Variants in ZC2HC1C observed in about 807,000 individuals in gnomAD.
The protein encoded by ZC2HC1C is zinc finger C2HC domain-containing protein 1C.
Under a neutral mutation model 39.2 loss-of-function variants are expected in ZC2HC1C, and 25 were observed. The observed-to-expected ratio is 0.64, with a 90% confidence interval of 0.47 to 0.89. ZC2HC1C has a LOEUF of 0.89. ZC2HC1C is among the 40% of genes least tolerant of loss of function. The pLI, the probability that ZC2HC1C is intolerant of heterozygous loss-of-function variation, is 0.00. For missense variants in ZC2HC1C, 519 were observed against 548.6 expected (o/e 0.95, Z 0.54); for synonymous variants, 209 against 214.4 (o/e 0.97, Z 0.22).
At position 75,071,474 on chromosome 14, in the gene ZC2HC1C, A is replaced by G. The variant is rs1243590672; in HGVS notation, c.901A>G (p.Arg301Gly). 1 of 1,614,196 alleles carries G rather than the reference A, an allele frequency of 6.2e-7. No homozygotes were observed. The highest frequency in any genetic ancestry group is 1.1e-5 in the South Asian group (1 of 91,074). The part of the protein sequence containing the change: ...EFEEEFSRDR[R>G]EDETWGRSQQ... ...TGAGGAAGAATTTAGTAGAGACAGGAGAGAGGATGAAACTTGGGGACGGTC... is the reference window on the plus strand; with the variant it reads ...TGAGGAAGAATTTAGTAGAGACAGGGGAGAGGATGAAACTTGGGGACGGTC... The change falls in exon 2 of 3, where the codon AGA becomes GGA. Residue 301 changes from arginine to glycine, a missense_variant. By Grantham distance (125) the Arg-to-Gly change is moderately radical. Coordinates refer to ENST00000524913, the MANE Select transcript of ZC2HC1C (RefSeq NM_024643.4).
At chr14:75,073,991 G>C (rs1407368088) in intron 2 of ZC2HC1C, among the ~76,000 whole-genome samples, 1 of 152,012 alleles carries the variant, frequency 6.6e-6, no homozygotes, top group Non-Finnish European at 1.5e-5. Context: ...GCTCACTGCA[G>C]CCTCCACCTA....
At position 75,071,511 on chromosome 14, in the gene ZC2HC1C, C is replaced by A; in HGVS notation, c.938C>A (p.Ser313Ter). 6.2e-7 allele frequency: 1 copy of A among 1,614,080 alleles called. No individual in the cohort carries two copies. Among genetic ancestry groups the A allele is most frequent in the Non-Finnish European group, 8.5e-7 (1 of 1,180,016 alleles). ...ACTTGGGGACGGTCTCAACAAAATTCAGGTCCATTCCAGTTCTCTGATTAT... is the reference window on the plus strand; with the variant it reads ...ACTTGGGGACGGTCTCAACAAAATTAAGGTCCATTCCAGTTCTCTGATTAT... ...DETWGRSQQN[S>*]GPFQFSDYRI... is the part of the protein sequence containing the mutation. The change falls in exon 2 of 3, where the codon TCA (serine) becomes TAA (stop). Residue 313 changes from serine (S) to a stop codon, truncating the protein, a stop_gained. Coordinates refer to ENST00000524913, the MANE Select transcript of ZC2HC1C (RefSeq NM_024643.4). LOFTEE classifies it high-confidence loss of function.
rs186624142 is a variant in ZC2HC1C, at chr14:75,076,656, T to C, written c.1339-876T>C. ...CTCTGGTTGTCTTTTTTTCACAGTA[T>C]ACTCTTCTTGTTTTATGGACACAAT... On this transcript the variant is annotated intron_variant, in intron 2 of 2. Coordinates refer to ENST00000524913, the MANE Select transcript of ZC2HC1C (RefSeq NM_024643.4). 6.6e-5 allele frequency among the ~76,000 whole-genome samples: 10 copies of C among 152,352 alleles called. 1 individual carries two copies. In the East Asian group the frequency reaches 1.9e-3, roughly 29 times the overall value.
chr14:75,072,609 G>A lies in ZC2HC1C; in HGVS notation c.1338+698G>A, dbSNP rs142889900. Among the ~76,000 whole-genome samples the A allele has an allele frequency of 3.5e-4, 54 of 152,244 alleles. 4 individuals are homozygous for A. In the East Asian group the frequency reaches 0.01, roughly 29 times the overall value. On this transcript the variant is annotated intron_variant, in intron 2 of 2. Coordinates refer to ENST00000524913, the MANE Select transcript of ZC2HC1C (RefSeq NM_024643.4). Reference sequence around the variant, plus strand: ...CCAGGTTGGAAAAAGTAAGGGTTTCGTGACACTTACATGATAAATTTAGGT... The same window carrying A: ...CCAGGTTGGAAAAAGTAAGGGTTTCATGACACTTACATGATAAATTTAGGT...
intron 2 of ZC2HC1C, among the ~76,000 whole-genome samples, chr14:75,076,727 AG>A (rs1166048898): frequency 6.6e-6 from 1 of 151,062 alleles, no homozygotes; most frequent in Non-Finnish European, 1.5e-5. Context: ...GTTAAAAAAA[AG>A]TTTTCTTCTG....
In ZC2HC1C at chr14:75,071,568, T is replaced by A. The variant is rs1893416674; in HGVS notation, c.995T>A (p.Val332Glu). The A allele has an allele frequency of 6.2e-7, 1 of 1,614,142 alleles. No homozygotes were observed. Among genetic ancestry groups the A allele is most frequent in the Non-Finnish European group, 8.5e-7 (1 of 1,180,038 alleles). ...RIQRLKRERL[V>E]ASNNKIRDPV... ...CAGAGGCTCAAAAGGGAAAGGCTGG[T>A]AGCAAGCAATAATAAAATTCGAGAC... The change falls in exon 2 of 3, where the codon GTA becomes GAA. Residue 332 changes from valine (V) to glutamate (E), a missense_variant. Physicochemically the swap from Val to Glu is moderately radical, Grantham distance 121. Coordinates refer to ENST00000524913, the MANE Select transcript of ZC2HC1C (RefSeq NM_024643.4).
In ZC2HC1C at chr14:75,077,614, A is replaced by G. The variant is rs1893743120; in HGVS notation, c.*50A>G. On this transcript the variant is annotated 3_prime_UTR_variant, in exon 3 of 3. Transcript: ENST00000524913. ...TTCCGCCAGGCTCGAGAGGTCCAGC[A>G]GGTAACTGCCAAAGGTGGAAACTGT... 2 of 1,611,410 alleles carry G rather than the reference A, an allele frequency of 1.2e-6. No homozygotes were observed. The highest frequency in any genetic ancestry group is 1.7e-4 in the Middle Eastern group (1 of 5,824).
intron 2 of ZC2HC1C, among the ~76,000 whole-genome samples, chr14:75,073,055 T>C (rs1379862311): frequency 6.6e-6 from 1 of 152,236 alleles, no homozygotes; most frequent in Non-Finnish European, 1.5e-5. Flanking sequence ...GCACCTCTTG[T>C]CCATTGGCAC....
chr14:75,072,782 G>C (rs1354388545), intron 2 of ZC2HC1C, among the ~76,000 whole-genome samples: 1 of 152,156 alleles, frequency 6.6e-6, no homozygotes, highest in Non-Finnish European at 1.5e-5. Flanking sequence ...TTAGTGTTTA[G>C]TGTTGTATTA....
Position 75,071,699 on chromosome 14 carries a change from T to C in ZC2HC1C, c.1126T>C (p.Ser376Pro). ...TTCCAGCCTGTCCATGGCACCAGAC[T>C]CCTCAGGTTCCAGCGGCTCCATTGA... ...RNSSLSMAPDSSGSSGSIEEP... is the reference protein window; with the variant it reads ...RNSSLSMAPDPSGSSGSIEEP... The change falls in exon 2 of 3, where the codon TCC becomes CCC. Residue 376 changes from serine (S) to proline (P), a missense_variant. Coordinates refer to ENST00000524913, the MANE Select transcript of ZC2HC1C (RefSeq NM_024643.4). The C allele has an allele frequency of 6.2e-7, 1 of 1,614,156 alleles. No homozygotes were observed. The highest frequency in any genetic ancestry group is 8.5e-7 in the Non-Finnish European group (1 of 1,180,016).
rs536282928 is a variant in ZC2HC1C at position 75,077,562 on chromosome 14, T to C, written c.1369T>C (p.Ter457GlnextTer77). 2.5e-6 allele frequency: 4 copies of C among 1,614,206 alleles called. No homozygotes were observed. The highest frequency in any genetic ancestry group is 3.4e-6 in the Non-Finnish European group (4 of 1,180,036). Residue 457 changes from the stop codon to glutamine (Q), a stop_lost, in exon 3 of 3, where the codon TAG becomes CAG. Transcript: ENST00000524913. ...ACCTCCTCAGAAGAGCAACTGGAGA[T>C]AGAAGCATGAATCTTTTATCCATAC... ...AEPPQKSNWR[*>Q]
chr14:75,070,405 T>G, intron 1 of ZC2HC1C, 150 bp from the exon 2 acceptor site: 1 of 959,324 alleles, frequency 1.0e-6, no homozygotes, highest in Non-Finnish European at 1.5e-6. Context: ...AAATGGTTTT[T>G]GAAGGGAAGC....
Position 75,071,752 on chromosome 14 carries a change from C to CT in ZC2HC1C, c.1180dup (p.Cys394LeufsTer29). On this transcript the variant is annotated frameshift_variant, in exon 2 of 3. Transcript: ENST00000524913. LOFTEE classifies it high-confidence loss of function. The stretch of plus-strand genomic sequence containing the variant: ...AGCCACAGCTGGGTGAGTGCAGCCA[C>CT]TGTGGGCGCAAATTCCTCTCGTTCA... The CT allele has an allele frequency of 6.2e-7, 1 of 1,614,194 alleles. No homozygotes were observed. The highest frequency in any genetic ancestry group is 1.1e-5 in the South Asian group (1 of 91,082).
rs765395919 is a variant in ZC2HC1C at position 75,071,823 on chromosome 14, A to G, written c.1250A>G (p.Lys417Arg). The change falls in exon 2 of 3, where the codon AAG becomes AGG. Residue 417 changes from lysine to arginine, a missense_variant. Physicochemically the swap from Lys to Arg is conservative, Grantham distance 26. Coordinates refer to ENST00000524913, the MANE Select transcript of ZC2HC1C (RefSeq NM_024643.4). ...SNICSRMRGSKRKVFDSSRAR... is the reference protein window; with the variant it reads ...SNICSRMRGSRRKVFDSSRAR... ...ATCTGCAGCAGGATGCGGGGTTCCA[A>G]GAGGAAAGTGTTTGACTCCTCCAGG... 29 of 1,614,032 alleles carry G rather than the reference A, an allele frequency of 1.8e-5. No homozygotes were observed. Among genetic ancestry groups the G allele is most frequent in the Non-Finnish European group, 2.5e-5 (29 of 1,180,022 alleles).
chr14:75,071,304 A>T lies in ZC2HC1C; in HGVS notation c.731A>T (p.Glu244Val). ...GGAAAGCTGAAGAAGACAGAGGAGG[A>T]ACTCAGAAGGATCCAGACGCAAAAG... is the stretch of plus-strand genomic sequence containing the variant. ...LRGKLKKTEE[E>V]LRRIQTQKEQ... Residue 244 changes from glutamate (E) to valine (V), a missense_variant, in exon 2 of 3, where the codon GAA becomes GTA. Glu to Val is a moderately radical substitution (Grantham distance 121). Coordinates refer to ENST00000524913, the MANE Select transcript of ZC2HC1C (RefSeq NM_024643.4). The T allele has an allele frequency of 6.2e-7, 1 of 1,614,174 alleles. No homozygotes were observed. Among genetic ancestry groups the T allele is most frequent in the Non-Finnish European group, 8.5e-7 (1 of 1,180,018 alleles).
Position 75,070,706 on chromosome 14 carries a change from T to C in ZC2HC1C, c.133T>C (p.Leu45=). 1.2e-6 allele frequency: 2 copies of C among 1,614,164 alleles called. No individual in the cohort carries two copies. Among genetic ancestry groups the C allele is most frequent in the Non-Finnish European group, 1.7e-6 (2 of 1,180,020 alleles). The change falls in exon 2 of 3, where the codon TTG becomes CTG. Residue 45 remains leucine, a synonymous_variant. Coordinates refer to ENST00000524913, the MANE Select transcript of ZC2HC1C (RefSeq NM_024643.4). ...YEQGDSSQQS[L]KGHLRNNFQK... is the part of the protein sequence containing the mutation. Reference sequence around the variant, plus strand: ...ACAAGGTGACTCTTCCCAGCAGTCCTTGAAGGGGCACCTGAGGAACAATTT... The same window carrying C: ...ACAAGGTGACTCTTCCCAGCAGTCCCTGAAGGGGCACCTGAGGAACAATTT...
chr14:75,071,160 C>T lies in ZC2HC1C; in HGVS notation c.587C>T (p.Thr196Met), dbSNP rs201860356. The T allele has an allele frequency of 2.0e-5, 33 of 1,614,146 alleles. No individual in the cohort carries two copies. The African/African-American group carries it at 2.5e-4, about 12-fold the overall frequency. ...GTGGTTGGTACTGTTCTTGCTGCCACGCAGGCGGAGAAGGCCGTGGCAAAC... is the reference window on the plus strand; with the variant it reads ...GTGGTTGGTACTGTTCTTGCTGCCATGCAGGCGGAGAAGGCCGTGGCAAAC... ...FSVVGTVLAA[T>M]QAEKAVANFD... Residue 196 changes from threonine (T) to methionine (M), a missense_variant, in exon 2 of 3, where the codon ACG becomes ATG. By Grantham distance (81) the Thr-to-Met change is moderately conservative (BLOSUM62 -1). Transcript: ENST00000524913.
At chr14:75,077,231 A>T (rs1437687375) in intron 2 of ZC2HC1C, among the ~76,000 whole-genome samples, 1 of 152,040 alleles carries the variant, frequency 6.6e-6, no homozygotes, top group Non-Finnish European at 1.5e-5. Flanking sequence ...ATAAGGTGGG[A>T]GGAGCCGTGG....
chr14:75,070,462 T>C, intron 1 of ZC2HC1C, 93 bp from the exon 2 acceptor site: 1 of 1,434,004 alleles, frequency 7.0e-7, no homozygotes, highest in Non-Finnish European at 9.4e-7. Context: ...TAAGGGAATG[T>C]GGGCAGGGCA....
Sources: gnomAD v4.1 joint callset for allele counts (sites outside exome capture counted in the v4.1 genomes callset) on GRCh38, gnomAD v4.1.1 for gene constraint, MANE v1.5 for transcripts, NCBI Gene and HGNC (gene_info 2026-07-23, HGNC 2026-07-21) for gene names.